GOLM2: variants seen among roughly 807,000 people sequenced by gnomAD.
The protein encoded by GOLM2 is protein GOLM2.
In GOLM2, 26 loss-of-function variants were observed where a neutral mutation model predicts 55.9. The ratio of observed to expected loss-of-function variants is 0.47; its 90% CI spans 0.34 to 0.65. The LOEUF is 0.65. GOLM2 is among the 30% of genes least tolerant of loss of function. GOLM2 has a pLI of 0.01. For synonymous variants in GOLM2, 165 were observed against 194.6 expected, an observed-to-expected ratio of 0.85 and a Z score of 1.27; for missense variants, 486 against 531.8, an observed-to-expected ratio of 0.91 and a Z score of 0.85.
chr15:44,332,169 T>A, intron 4 of GOLM2, 91 bp downstream of exon 4: 2 of 715,068 alleles, frequency 2.8e-6, no homozygotes, highest in Non-Finnish European at 4.5e-6. Context: ...CACAAAACAC[T>A]ATATTTTAAG....
intron 1 of GOLM2, among the ~76,000 whole-genome samples, chr15:44,299,922 A>G (rs967805076): frequency 2.2e-5 from 3 of 137,958 alleles, no homozygotes; most frequent in African/African-American, 8.3e-5. Context: ...CCTGGGCAAC[A>G]TAGCAAAAAA....
At chr15:44,391,974 C>G (rs2079493498) in intron 8 of GOLM2, among the ~76,000 whole-genome samples, 1 of 152,104 alleles carries the variant, frequency 6.6e-6, no homozygotes, top group Non-Finnish European at 1.5e-5. Context: ...CCTCAGCCTC[C>G]CGAGTAGCTG....
Position 44,288,912 on chromosome 15 carries a change from C to T in GOLM2, c.-118C>T. On this transcript the variant is annotated 5_prime_UTR_variant, in exon 1 of 10. Transcript: ENST00000299957. ...CCGGCTCGCAGCCGACCGGTAAGCC[C>T]GCCTCCTCCCTCGGCCGGCCCTGGG... 3.2e-6 allele frequency: 3 copies of T among 925,374 alleles called. No homozygotes were observed. The highest frequency in any genetic ancestry group is 4.8e-6 in the Non-Finnish European group (3 of 629,852). 57.3% of individuals were successfully genotyped at this position (925,374 alleles called of 1,614,324 possible). A position where few individuals can be genotyped will look rare whatever the true frequency, so the allele number is the denominator to read the frequency against.
chr15:44,309,347 C>T (rs779338479), intron 1 of GOLM2, among the ~76,000 whole-genome samples: 1 of 152,068 alleles, frequency 6.6e-6, no homozygotes, highest in Non-Finnish European at 1.5e-5. Context: ...TCAAGGGGTA[C>T]ATAGTTTCAG....
At chr15:44,326,217 G>A (rs1303317896) in intron 2 of GOLM2, among the ~76,000 whole-genome samples, 6 of 147,312 alleles carry the variant, frequency 4.1e-5, no homozygotes, top group Admixed American at 1.4e-4. Flanking sequence ...AGCTGAGATC[G>A]CACCACTGCA....
intron 6 of GOLM2, among the ~76,000 whole-genome samples, chr15:44,363,579 C>T (rs1320903543): frequency 6.6e-6 from 1 of 152,164 alleles, no homozygotes; most frequent in Non-Finnish European, 1.5e-5. Flanking sequence ...AATAGGAACA[C>T]TTTTACACTG....
chr15:44,338,566 G>A (rs537501723), intron 6 of GOLM2, among the ~76,000 whole-genome samples: 3 of 152,006 alleles, frequency 2.0e-5, no homozygotes, highest in South Asian at 2.1e-4. Context: ...TTTTCTTTGC[G>A]ACTCTGAGTT....
At chr15:44,308,387 A>T (rs1437774357) in intron 1 of GOLM2, 2 of 152,234 alleles carry the variant, frequency 1.3e-5, no homozygotes, top group Admixed American at 1.3e-4. Context: ...TGTAGCATGT[A>T]TCAGAACTTC....
intron 6 of GOLM2, among the ~76,000 whole-genome samples, chr15:44,368,482 T>C (rs1395063911): frequency 1.3e-5 from 2 of 151,946 alleles, no homozygotes; most frequent in Non-Finnish European, 2.9e-5. Context: ...TTGTAATACC[T>C]TTTCTCCTTC....
chr15:44,331,480 C>G (rs1276279007), intron 3 of GOLM2, among the ~76,000 whole-genome samples: 2 of 152,192 alleles, frequency 1.3e-5, no homozygotes, highest in African/African-American at 4.8e-5. Flanking sequence ...TCACTTTCTC[C>G]TGATGGCACC....
intron 6 of GOLM2, among the ~76,000 whole-genome samples, chr15:44,371,811 A>C (rs1477191984): frequency 6.6e-6 from 1 of 152,318 alleles, no homozygotes; most frequent in East Asian, 1.9e-4. Flanking sequence ...TTAGTTTTAC[A>C]TGTAAATTGT....
intron 6 of GOLM2, among the ~76,000 whole-genome samples, chr15:44,346,313 GAA>G (rs924826100): frequency 6.9e-6 from 1 of 145,422 alleles, no homozygotes; most frequent in Admixed American, 6.8e-5. Context: ...TGGGGAGCTT[GAA>G]AAAAAAAAAG....
chr15:44,379,789 G>A lies in GOLM2; in HGVS notation c.901+1G>A. On this transcript the variant is annotated splice_donor_variant, in intron 7 of 9. Transcript: ENST00000299957. LOFTEE classifies it high-confidence loss of function. The stretch of plus-strand genomic sequence containing the variant: ...CCTCTCTCCCCAAATATGCCTCCAG[G>A]TATGAAGGCTTATGCTTATAATTCC... The A allele has an allele frequency of 6.4e-7, 1 of 1,566,252 alleles. No individual in the cohort carries two copies. Among genetic ancestry groups the A allele is most frequent in the Non-Finnish European group, 8.8e-7 (1 of 1,137,136 alleles).
At chr15:44,406,748 C>T (rs1258811674) in intron 9 of GOLM2, 1 of 152,136 alleles carries the variant, frequency 6.6e-6, no homozygotes, top group African/African-American at 2.4e-5. Context: ...GGGCTCTTCT[C>T]TGCTCTCTAG....
chr15:44,371,052 C>T (rs909067177), intron 6 of GOLM2, among the ~76,000 whole-genome samples: 20 of 152,184 alleles, frequency 1.3e-4, no homozygotes, highest in Non-Finnish European at 1.5e-5. Context: ...CAACCTGGGG[C>T]TTGGCCAAAG....
intron 6 of GOLM2, among the ~76,000 whole-genome samples, chr15:44,338,629 G>T (rs936374805): frequency 2.6e-5 from 4 of 152,138 alleles, no homozygotes; most frequent in Non-Finnish European, 4.4e-5. Context: ...CTAAAAGTAT[G>T]CATGGCTCTT....
At chr15:44,299,847 T>TA (rs1170406335) in intron 1 of GOLM2, among the ~76,000 whole-genome samples, 1 of 143,546 alleles carries the variant, frequency 7.0e-6, no homozygotes, top group Non-Finnish European at 1.5e-5. Flanking sequence ...GGCTCATGCC[T>TA]ATAATCCCAG....
intron 9 of GOLM2, among the ~76,000 whole-genome samples, chr15:44,404,557 A>G (rs1304114817): frequency 6.6e-6 from 1 of 151,882 alleles, no homozygotes; most frequent in African/African-American, 2.4e-5. Context: ...TTTTTCATAA[A>G]TTTTATCATT....
rs906691388 is a variant in GOLM2, at chr15:44,344,040, G to A, written c.802+5723G>A. Among the ~76,000 whole-genome samples the A allele has an allele frequency of 1.2e-3, 188 of 150,598 alleles. 1 individual carries two copies. Among genetic ancestry groups the A allele is most frequent in the African/African-American group, 4.4e-3 (179 of 41,002 alleles). On this transcript the variant is annotated intron_variant, in intron 6 of 9. Coordinates refer to ENST00000299957, the MANE Select transcript of GOLM2 (RefSeq NM_138423.4). ...CTGGATAGGCTGAGGCGGGAGGGTC[G>A]CTTGAACCCAGGAGTTTGAGACCAG...
Sources: allele counts gnomAD v4.1 joint callset (sites outside exome capture counted in the v4.1 genomes callset), GRCh38; gene constraint gnomAD v4.1.1; transcripts MANE v1.5; gene names NCBI Gene and HGNC (gene_info 2026-07-23, HGNC 2026-07-21).